ZC2HC1B: variants seen among roughly 807,000 people sequenced by gnomAD.
ZC2HC1B encodes zinc finger C2HC-type containing 1B.
Under a neutral mutation model 31.0 loss-of-function variants are expected in ZC2HC1B, and 36 were observed. The ratio of observed to expected loss-of-function variants is 1.16; its 90% CI spans 0.89 to 1.54. The LOEUF (loss-of-function observed/expected upper bound fraction) is 1.54. Ranked by LOEUF, ZC2HC1B falls within the 40% of genes most tolerant of loss-of-function variation. The pLI is 0.00. For missense variants in ZC2HC1B, 260 were observed against 268.6 expected, an observed-to-expected ratio of 0.97 and a Z score of 0.22; for synonymous variants, 73 against 88.0, an observed-to-expected ratio of 0.83 and a Z score of 0.95.
chr6:143,903,153 G>T lies in ZC2HC1B; in HGVS notation c.598+1G>T. ...ACGAATGAAGTCCCAACCAAGTCAG[G>T]TGAGTCAAAGCACGCATTTCATCTC... is the stretch of plus-strand genomic sequence containing the variant. On this transcript the variant is annotated splice_donor_variant, in intron 6 of 7. Coordinates refer to ENST00000237275, the MANE Select transcript of ZC2HC1B (RefSeq NM_001013623.3). LOFTEE classifies it high-confidence loss of function. This position sits in a 1 kb window ranked among gnomAD's most constrained non-coding sequence, Gnocchi z 4.3. 6.4e-7 allele frequency: 1 copy of T among 1,552,076 alleles called. No individual in the cohort carries two copies. Among genetic ancestry groups the T allele is most frequent in the Non-Finnish European group, 8.7e-7 (1 of 1,146,976 alleles).
Position 143,883,841 on chromosome 6 carries a change from C to T in ZC2HC1B, c.29-463C>T, listed in dbSNP as rs1428862715. Among the ~76,000 whole-genome samples, 1 of 152,172 alleles carries T rather than the reference C, an allele frequency of 6.6e-6. No homozygotes were observed. Among genetic ancestry groups the T allele is most frequent in the East Asian group, 1.9e-4 (1 of 5,190 alleles). On this transcript the variant is annotated intron_variant, in intron 1 of 7. Coordinates refer to ENST00000237275, the MANE Select transcript of ZC2HC1B (RefSeq NM_001013623.3). The surrounding 1 kb of genome is among the most constrained non-coding windows in gnomAD (Gnocchi z 4.1). ...ATTCTTGCTTGGCCCATGCATTCAA[C>T]CAATACCTTGAGTACCTTACTATGG...
intron 6 of ZC2HC1B, among the ~76,000 whole-genome samples, chr6:143,914,125 G>A (rs1777890741): frequency 6.6e-6 from 1 of 151,430 alleles, no homozygotes; most frequent in Non-Finnish European, 1.5e-5. Context: ...TCTTCCACTA[G>A]CTTTTGATTT....
chr6:143,891,922 C>T (rs1777607167), intron 4 of ZC2HC1B, among the ~76,000 whole-genome samples: 2 of 152,022 alleles, frequency 1.3e-5, no homozygotes, highest in Non-Finnish European at 2.9e-5. Context: ...ATAGACACCC[C>T]CCTATCTGTG....
rs200112987 is a variant in ZC2HC1B at position 143,898,606 on chromosome 6, G to A, written c.404G>A (p.Arg135Gln). Residue 135 changes from arginine to glutamine, a missense_variant, in exon 5 of 8, where the codon CGA (arginine) becomes CAA (glutamine). Physicochemically the swap from Arg to Gln is conservative, Grantham distance 43. Coordinates refer to ENST00000237275, the MANE Select transcript of ZC2HC1B (RefSeq NM_001013623.3). The part of the protein sequence containing the change: ...MRRFNESAAE[R>Q]HTNFCKDQSS... ...AGGTTTAATGAAAGCGCAGCTGAGC[G>A]ACATACTAATTTCTGCAAGGATCAG... The A allele has an allele frequency of 1.7e-4, 258 of 1,551,806 alleles. 1 individual carries two copies. The Middle Eastern group carries it at 2.0e-3, about 12-fold the overall frequency.
chr6:143,886,957 T>A lies in ZC2HC1B; in HGVS notation c.349+136T>A, dbSNP rs1183980525. 2 of 976,544 alleles carry A rather than the reference T, an allele frequency of 2.0e-6. No homozygotes were observed. The highest frequency in any genetic ancestry group is 3.9e-5 in the Admixed American group (1 of 25,906). The allele number at this position is 976,544 out of a possible 1,614,324, so 60.5% of individuals were successfully genotyped here. A position where few individuals can be genotyped will look rare whatever the true frequency, so the allele number is the denominator to read the frequency against. ...ATTAATTATATAAAAGTAAACATCCTATTTTTTTCAATTCTGCATAAAGAT... is the reference window on the plus strand; with the variant it reads ...ATTAATTATATAAAAGTAAACATCCAATTTTTTTCAATTCTGCATAAAGAT... On this transcript the variant is annotated intron_variant, in intron 4 of 7. Coordinates refer to ENST00000237275, the MANE Select transcript of ZC2HC1B (RefSeq NM_001013623.3). This position sits in a 1 kb window ranked among gnomAD's most constrained non-coding sequence, Gnocchi z 4.2.
At chr6:143,935,030 C>T (rs1269620951) in intron 6 of ZC2HC1B, among the ~76,000 whole-genome samples, 2 of 152,116 alleles carry the variant, frequency 1.3e-5, no homozygotes, top group African/African-American at 2.4e-5. Context: ...TAGACCAACC[C>T]TCTGGCTCCT....
intron 1 of ZC2HC1B, among the ~76,000 whole-genome samples, chr6:143,879,385 C>T (rs530702223): frequency 2.2e-4 from 34 of 152,240 alleles, no homozygotes; most frequent in African/African-American, 8.2e-4. Flanking sequence ...CAAAATTAGA[C>T]GGGAAGCTCT....
intron 6 of ZC2HC1B, among the ~76,000 whole-genome samples, chr6:143,909,550 C>T (rs556976907): frequency 5.6e-5 from 8 of 143,960 alleles, no homozygotes; most frequent in South Asian, 4.3e-4. Flanking sequence ...TTTTTTTTCC[C>T]GGCTGGTAGG....
Position 143,903,513 on chromosome 6 carries a change from T to A in ZC2HC1B, c.598+361T>A, listed in dbSNP as rs1479046714. On this transcript the variant is annotated intron_variant, in intron 6 of 7. Coordinates refer to ENST00000237275, the MANE Select transcript of ZC2HC1B (RefSeq NM_001013623.3). This position sits in a 1 kb window ranked among gnomAD's most constrained non-coding sequence, Gnocchi z 4.3. ...TTCTAGAAATAAATACAGATCCTCC[T>A]CAATTTATGATGGGGCTATGTCCTG... 6.6e-6 allele frequency among the ~76,000 whole-genome samples: 1 copy of A among 152,234 alleles called. No individual in the cohort carries two copies. Among genetic ancestry groups the A allele is most frequent in the African/African-American group, 2.4e-5 (1 of 41,460 alleles).
rs1228745573 is a variant in ZC2HC1B, at chr6:143,872,647, G to A, written c.28+8080G>A. ...AGACTTACAGTTCCACATGGCTGGG[G>A]AGGCCTCAGAATCATGGCAGAAGGC... On this transcript the variant is annotated intron_variant, in intron 1 of 7. Transcript: ENST00000237275. The surrounding 1 kb of genome is among the most constrained non-coding windows in gnomAD (Gnocchi z 5.5). Among the ~76,000 whole-genome samples, 1 of 152,190 alleles carries A rather than the reference G, an allele frequency of 6.6e-6. No homozygotes were observed. Among genetic ancestry groups the A allele is most frequent in the African/African-American group, 2.4e-5 (1 of 41,434 alleles).
chr6:143,886,757 G>A lies in ZC2HC1B; in HGVS notation c.285G>A (p.Gln95=), dbSNP rs1337676560. 5 of 1,549,932 alleles carry A rather than the reference G, an allele frequency of 3.2e-6. No individual in the cohort carries two copies. In the South Asian group the frequency reaches 4.8e-5, roughly 15 times the overall value. Residue 95 remains glutamine, a synonymous_variant, in exon 4 of 8, where the codon CAG becomes CAA. Coordinates refer to ENST00000237275, the MANE Select transcript of ZC2HC1B (RefSeq NM_001013623.3). The surrounding 1 kb of genome is among the most constrained non-coding windows in gnomAD (Gnocchi z 4.2). Reference sequence around the variant, plus strand: ...TTAATGCAATCCGATCAGCAAAGCAGTGTATGCTAGCCATTAAAGAAGGCC... The same window carrying A: ...TTAATGCAATCCGATCAGCAAAGCAATGTATGCTAGCCATTAAAGAAGGCC... ...DFINAIRSAK[Q]CMLAIKEGRP... is the part of the protein sequence containing the mutation.
rs143322959 is a variant in ZC2HC1B at position 143,929,683 on chromosome 6, A to C, written c.599-7966A>C. On this transcript the variant is annotated intron_variant, in intron 6 of 7. Coordinates refer to ENST00000237275, the MANE Select transcript of ZC2HC1B (RefSeq NM_001013623.3). ...TTATGTCTGATAAAATTTGGCTGTG[A>C]ATCTGTCTGCTCCTGGGCTCTTTTG... Among the ~76,000 whole-genome samples, 9 of 152,186 alleles carry C rather than the reference A, an allele frequency of 5.9e-5. No homozygotes were observed. In the East Asian group the frequency reaches 1.7e-3, roughly 29 times the overall value.
intron 6 of ZC2HC1B, 27 bp from the exon 7 acceptor site, chr6:143,937,622 A>G (rs771329534): frequency 2.6e-6 from 4 of 1,532,188 alleles, no homozygotes; most frequent in African/African-American, 1.4e-5. Context: ...CTTTGACATA[A>G]TAACAAATCT....
intron 6 of ZC2HC1B, among the ~76,000 whole-genome samples, chr6:143,937,161 G>A (rs1778188463): frequency 1.3e-5 from 2 of 152,088 alleles, no homozygotes; most frequent in Admixed American, 1.3e-4. Context: ...TAACAACACT[G>A]CTGGGCTCAA....
At chr6:143,877,272 C>CTTTTTTTTTTTTTTTT (rs34994479) in intron 1 of ZC2HC1B, among the ~76,000 whole-genome samples, 2 of 42,594 alleles carry the variant, frequency 4.7e-5, no homozygotes, top group African/African-American at 2.4e-4. Context: ...TTTTTAATTT[C>CTTTTTTTTTTTTTTTT]TTTTTTTTTT....
At chr6:143,937,890 A>G (rs961954505) in intron 7 of ZC2HC1B, among the ~76,000 whole-genome samples, 157 bp downstream of exon 7, 1 of 152,244 alleles carries the variant, frequency 6.6e-6, no homozygotes, top group Non-Finnish European at 1.5e-5. Context: ...GCTGTTAAAC[A>G]TACAGTTTAA....
chr6:143,873,254 T>C (rs530739096), intron 1 of ZC2HC1B, among the ~76,000 whole-genome samples: 1 of 152,360 alleles, frequency 6.6e-6, no homozygotes, highest in East Asian at 1.9e-4. Context: ...ATGTCTCACA[T>C]CCAGGTCATG....
At chr6:143,909,847 T>TA (rs1406787109) in intron 6 of ZC2HC1B, among the ~76,000 whole-genome samples, 3 of 152,182 alleles carry the variant, frequency 2.0e-5, no homozygotes, top group African/African-American at 7.2e-5. Context: ...TTATTAATCT[T>TA]AAAAAAGCAG....
At chr6:143,877,272 CTTTTT>C (rs34994479) in intron 1 of ZC2HC1B, among the ~76,000 whole-genome samples, 11 of 42,592 alleles carry the variant, frequency 2.6e-4, no homozygotes, top group South Asian at 1.8e-3. Flanking sequence ...TTTTTAATTT[CTTTTT>C]TTTTTTTTTT....
Sources: gnomAD v4.1 joint callset for allele counts (sites outside exome capture counted in the v4.1 genomes callset) on GRCh38, gnomAD v4.1.1 for gene constraint, Gnocchi (gnomAD v3.1) non-coding constraint, MANE v1.5 for transcripts, NCBI Gene and HGNC (gene_info 2026-07-23, HGNC 2026-07-21) for gene names.